Variants in GABRP observed in about 807,000 individuals in gnomAD.
GABRP encodes the protein gamma-aminobutyric acid receptor subunit pi.
In GABRP, 52 loss-of-function variants were observed where a neutral mutation model predicts 47.8. The observed-to-expected ratio is 1.09, with a 90% CI of 0.87 to 1.37. The LOEUF (loss-of-function observed/expected upper bound fraction) is 1.37, where lower values mean the gene tolerates loss of function less well. GABRP is among the 40% of genes most tolerant of loss of function. GABRP has a pLI of 0.00. For missense variants in GABRP, 525 were observed against 542.8 expected, an observed-to-expected ratio of 0.97 and a Z score of 0.33; for synonymous variants, 221 against 205.8, an observed-to-expected ratio of 1.07 and a Z score of -0.63.
At chr5:170,792,502 T>A (rs1765302914) in intron 3 of GABRP, among the ~76,000 whole-genome samples, 1 of 151,706 alleles carries the variant, frequency 6.6e-6, no homozygotes, top group South Asian at 2.1e-4. Context: ...ACAGAGAAAC[T>A]TGAAATTTGC....
chr5:170,798,690 C>T (rs928548400), intron 6 of GABRP, among the ~76,000 whole-genome samples: 5 of 152,070 alleles, frequency 3.3e-5, no homozygotes, highest in Non-Finnish European at 5.9e-5. Flanking sequence ...ATGGACTTTT[C>T]ATCAATGTAC....
intron 6 of GABRP, 116 bp downstream of exon 6, chr5:170,797,664 T>G (rs1765466832): frequency 1.5e-6 from 1 of 685,426 alleles, no homozygotes; most frequent in Non-Finnish European, 2.7e-6. Context: ...TGATTCATCG[T>G]GGATTCAGCC....
chr5:170,789,788 C>CCTCATTGTACT (rs1203731067), intron 3 of GABRP, among the ~76,000 whole-genome samples: 1 of 152,164 alleles, frequency 6.6e-6, no homozygotes, highest in Non-Finnish European at 1.5e-5. Flanking sequence ...ACAATGCTCC[C>CCTCATTGTACT]CAGTGTACTC....
chr5:170,791,370 C>A (rs1042681079), intron 3 of GABRP, among the ~76,000 whole-genome samples: 3 of 152,242 alleles, frequency 2.0e-5, no homozygotes, highest in Non-Finnish European at 4.4e-5. Flanking sequence ...CACGGAGGGC[C>A]ATTGCTCTCT....
rs753527811 is a variant in GABRP, at chr5:170,794,318, A to C, written c.240+20A>C. The stretch of plus-strand genomic sequence containing the variant: ...AACATGGTAAGCGCTGTTCCTTTGT[A>C]CTCTACCCAAGTAGTCCCTCTCTGT... On this transcript the variant is annotated intron_variant, in intron 4 of 9. Transcript: ENST00000265294. The C allele has an allele frequency of 6.6e-6, 10 of 1,517,534 alleles. No individual in the cohort carries two copies. The highest frequency in any genetic ancestry group is 1.9e-4 in the Middle Eastern group (1 of 5,296). 94.0% of individuals were successfully genotyped at this position (1,517,534 alleles called of 1,614,324 possible). A position where few individuals can be genotyped will look rare whatever the true frequency, so the allele number is the denominator to read the frequency against.
intron 3 of GABRP, among the ~76,000 whole-genome samples, 177 bp from the exon 4 acceptor site, chr5:170,794,054 A>G (rs887857343): frequency 8.5e-5 from 13 of 152,188 alleles, no homozygotes; most frequent in Admixed American, 2.6e-4. Flanking sequence ...ACCATACACA[A>G]TGGTTACTCT....
At chr5:170,788,541 G>T (rs1277125185) in intron 1 of GABRP, 33 bp from the exon 2 acceptor site, 2 of 1,468,636 alleles carry the variant, frequency 1.4e-6, no homozygotes, top group Non-Finnish European at 1.9e-6. Flanking sequence ...CCTGTTGCAC[G>T]GCCTTCCACT....
At position 170,787,177 on chromosome 5, in the gene GABRP, A is replaced by G. The variant is rs570183435; in HGVS notation, c.-42-1397A>G. On this transcript the variant is annotated intron_variant, in intron 1 of 9. Transcript: ENST00000265294. ...TACTTTTAACTTCTGACTTGTTGCC[A>G]TTTCAACAGTGAGCGAGTATTGGTT... Among the ~76,000 whole-genome samples the G allele has an allele frequency of 2.2e-4, 34 of 152,354 alleles. 1 individual carries two copies. Among genetic ancestry groups the G allele is most frequent in the African/African-American group, 7.9e-4 (33 of 41,570 alleles).
chr5:170,810,845 G>A (rs914204405), intron 9 of GABRP, among the ~76,000 whole-genome samples: 16 of 152,076 alleles, frequency 1.1e-4, no homozygotes, highest in African/African-American at 3.6e-4. Flanking sequence ...ATGACCACGT[G>A]TGCCAGCCAA....
chr5:170,793,828 AG>A (rs1367227265), intron 3 of GABRP, among the ~76,000 whole-genome samples: 3 of 152,180 alleles, frequency 2.0e-5, no homozygotes, highest in Admixed American at 6.5e-5. Context: ...GTTACTTGGG[AG>A]GCTGAGGCAG....
intron 5 of GABRP, 90 bp downstream of exon 5, chr5:170,795,515 A>G: frequency 2.9e-6 from 3 of 1,025,986 alleles, no homozygotes; most frequent in Non-Finnish European, 3.0e-6. Context: ...CCAGAACTCA[A>G]ATAGCCACTG....
rs1322334018 is a variant in GABRP, at chr5:170,812,949, A to G, written c.*691A>G. 1 of 152,252 alleles carries G rather than the reference A, an allele frequency of 6.6e-6. No individual in the cohort carries two copies. Among genetic ancestry groups the G allele is most frequent in the African/African-American group, 2.4e-5 (1 of 41,454 alleles). The allele number at this position is 152,252 out of a possible 1,614,324, so 9.4% of individuals were successfully genotyped here. A position where few individuals can be genotyped will look rare whatever the true frequency, so the allele number is the denominator to read the frequency against. On this transcript the variant is annotated 3_prime_UTR_variant, in exon 10 of 10. Transcript: ENST00000265294. ...GGTTCTAAGATACAATGGATTCCCC[A>G]TACTGGAAGGACTCTGAGGCTTTAT...
Position 170,805,641 on chromosome 5 carries a change from T to G in GABRP, c.542-75T>G, listed in dbSNP as rs535631544. ...GAAAGAACTCATGCTGTCTCCATAT[T>G]ATAGCATTTTCCAGACCAGACCAGT... is the stretch of plus-strand genomic sequence containing the variant. On this transcript the variant is annotated intron_variant, in intron 6 of 9. Coordinates refer to ENST00000265294, the MANE Select transcript of GABRP (RefSeq NM_014211.3). 2.7e-5 allele frequency: 41 copies of G among 1,513,006 alleles called. No individual in the cohort carries two copies. In the South Asian group the frequency reaches 4.6e-4, roughly 17 times the overall value. The allele number at this position is 1,513,006 out of a possible 1,614,324, so 93.7% of individuals were successfully genotyped here.
chr5:170,786,181 T>C (rs1280343142), intron 1 of GABRP, among the ~76,000 whole-genome samples: 1 of 152,168 alleles, frequency 6.6e-6, no homozygotes, highest in East Asian at 1.9e-4. Flanking sequence ...AATGAGGCAA[T>C]GGAGGGCATG....
rs1765936846 is a variant in GABRP at position 170,813,122 on chromosome 5, G to C, written c.*864G>C. On this transcript the variant is annotated 3_prime_UTR_variant, in exon 10 of 10. Coordinates refer to ENST00000265294, the MANE Select transcript of GABRP (RefSeq NM_014211.3). Reference sequence around the variant, plus strand: ...CTTAATATGGGCTGTTGCCATGAAGGCTTGCAGAATTGAGTCCATTTTCTA... The same window carrying C: ...CTTAATATGGGCTGTTGCCATGAAGCCTTGCAGAATTGAGTCCATTTTCTA... 1 of 152,110 alleles carries C rather than the reference G, an allele frequency of 6.6e-6. No individual in the cohort carries two copies. Among genetic ancestry groups the C allele is most frequent in the African/African-American group, 2.4e-5 (1 of 41,434 alleles). The allele number at this position is 152,110 out of a possible 1,614,324, so 9.4% of individuals were successfully genotyped here.
At chr5:170,784,034 G>T (rs550153122) in intron 1 of GABRP, among the ~76,000 whole-genome samples, 160 bp downstream of exon 1, 8 of 152,216 alleles carry the variant, frequency 5.3e-5, no homozygotes, top group Non-Finnish European at 1.0e-4. Context: ...GCAGAGCCAA[G>T]ATTAGAGCCC....
At chr5:170,787,972 G>A (rs1765169315) in intron 1 of GABRP, among the ~76,000 whole-genome samples, 1 of 152,186 alleles carries the variant, frequency 6.6e-6, no homozygotes, top group East Asian at 1.9e-4. Flanking sequence ...AGCAGATATG[G>A]CCCAGAGGAT....
At chr5:170,811,062 TACTC>T (rs1765870170) in intron 9 of GABRP, among the ~76,000 whole-genome samples, 1 of 151,146 alleles carries the variant, frequency 6.6e-6, no homozygotes, top group Admixed American at 6.6e-5. Context: ...CACTATGGAG[TACTC>T]ACTGTGTCCT....
Position 170,808,693 on chromosome 5 carries a change from T to C in GABRP, c.773T>C (p.Val258Ala), listed in dbSNP as rs746668417. 1.2e-6 allele frequency: 2 copies of C among 1,613,858 alleles called. No homozygotes were observed. The highest frequency in any genetic ancestry group is 2.2e-5 in the South Asian group (2 of 91,084). ...TACGTTCCTTCCACTTTCCTGGTGG[T>C]GTTGTCCTGGGTTTCATTTTGGATC... ...ETYVPSTFLV[V>A]LSWVSFWISL... Residue 258 changes from valine to alanine, a missense_variant, in exon 8 of 10, where the codon GTG becomes GCG. By Grantham distance (64) the Val-to-Ala change is moderately conservative. Transcript: ENST00000265294.
Sources: allele counts gnomAD v4.1 joint callset (sites outside exome capture counted in the v4.1 genomes callset), GRCh38; gene constraint gnomAD v4.1.1; transcripts MANE v1.5; gene names NCBI Gene and HGNC (gene_info 2026-07-23, HGNC 2026-07-21).